The following PANK4 variants were observed in gnomAD, a reference collection of about 807,000 sequenced individuals.
The protein encoded by PANK4 is pantothenate kinase 4 (inactive).
Under a neutral mutation model 87.9 loss-of-function variants are expected in PANK4, and 40 were observed. That is an observed-to-expected ratio of 0.46 (90% CI 0.35 to 0.59). PANK4 has a LOEUF of 0.59. PANK4 is among the 20% of genes least tolerant of loss of function. The pLI is 0.00. For synonymous variants in PANK4, 524 were observed against 467.4 expected (o/e 1.12, Z -1.56); for missense variants, 926 against 1,072.3 (o/e 0.86, Z 1.90).
chr1:2,510,452 G>A lies in PANK4; in HGVS notation c.1938+226C>T, dbSNP rs879547235. 8.5e-5 allele frequency: 51 copies of A among 596,716 alleles called. No individual in the cohort carries two copies. Among genetic ancestry groups the A allele is most frequent in the African/African-American group, 1.3e-4 (7 of 53,646 alleles). The allele number at this position is 596,716 out of a possible 1,614,324, so 37.0% of individuals were successfully genotyped here. A position where few individuals can be genotyped will look rare whatever the true frequency, so the allele number is the denominator to read the frequency against. On this transcript the variant is annotated intron_variant, in intron 16 of 18. Transcript: ENST00000378466. The surrounding 1 kb of genome is among the most constrained non-coding windows in gnomAD (Gnocchi z 4.9). The stretch of plus-strand genomic sequence containing the variant: ...GTGAGCACCCTTCCAGGAGCCTGGC[G>A]TCAACCCTGGGCTTCAGCACATGGA...
In PANK4 at chr1:2,510,835, C is replaced by G; in HGVS notation, c.1834-53G>C. The G allele has an allele frequency of 9.8e-7, 1 of 1,024,704 alleles. No individual in the cohort carries two copies. Among genetic ancestry groups the G allele is most frequent in the African/African-American group, 1.6e-5 (1 of 63,710 alleles). The allele number at this position is 1,024,704 out of a possible 1,614,324, so 63.5% of individuals were successfully genotyped here. ...TGGGAACAGGCGCATCCAAGCGAGT[C>G]AGTCCGCACCCCTGCTGCCCGTCAC... On this transcript the variant is annotated intron_variant, in intron 15 of 18. Coordinates refer to ENST00000378466, the MANE Select transcript of PANK4 (RefSeq NM_018216.4). This position sits in a 1 kb window ranked among gnomAD's most constrained non-coding sequence, Gnocchi z 4.9.
chr1:2,513,604 TG>T (rs1643703744), intron 12 of PANK4, among the ~76,000 whole-genome samples: 1 of 152,082 alleles, frequency 6.6e-6, no homozygotes, highest in Non-Finnish European at 1.5e-5. Flanking sequence ...GGAGCCAGGG[TG>T]GTCCAGGGTT....
At chr1:2,523,673 C>T (rs192288659) in intron 1 of PANK4, among the ~76,000 whole-genome samples, 7 of 152,348 alleles carry the variant, frequency 4.6e-5, no homozygotes, top group East Asian at 3.9e-4. Context: ...GCCAGTGTTC[C>T]GTCTGCCTAC....
chr1:2,526,324 C>A (rs945498249), intron 1 of PANK4, 140 bp downstream of exon 1: 100 of 336,934 alleles, frequency 3.0e-4, no homozygotes, highest in Non-Finnish European at 4.1e-4. Context: ...TGCGCGGGCC[C>A]GCGGACTACA....
rs536820334 is a variant in PANK4, at chr1:2,519,579, T to C, written c.853+222A>G. Among the ~76,000 whole-genome samples, 4 of 152,302 alleles carry C rather than the reference T, an allele frequency of 2.6e-5. No individual in the cohort carries two copies. The South Asian group carries it at 8.3e-4, about 32-fold the overall frequency. On this transcript the variant is annotated intron_variant, in intron 6 of 18. Coordinates refer to ENST00000378466, the MANE Select transcript of PANK4 (RefSeq NM_018216.4). This position sits in a 1 kb window ranked among gnomAD's most constrained non-coding sequence, Gnocchi z 8.3. Reference sequence around the variant, plus strand: ...GGAAAAAACCCAATCAGGAAACTATTTTTTCTTCCAAAACCAAGACCGTGG... The same window carrying C: ...GGAAAAAACCCAATCAGGAAACTATCTTTTCTTCCAAAACCAAGACCGTGG...
In PANK4 at chr1:2,521,214, G is replaced by A. The variant is rs769414824; in HGVS notation, c.309C>T (p.Ala103=). The change falls in exon 3 of 19, where the codon GCC becomes GCT. Residue 103 remains alanine (A), a synonymous_variant. Transcript: ENST00000378466. The part of the protein sequence containing the change: ...FIKFENTYIE[A]CLDFIKDHLV... ...GATGGTCTTTGATGAAGTCCAGGCA[G>A]GCTTCGATGTAGGTATTCTCAAACT... The A allele has an allele frequency of 1.9e-6, 3 of 1,613,946 alleles. No individual in the cohort carries two copies. The highest frequency in any genetic ancestry group is 1.3e-5 in the African/African-American group (1 of 75,062).
intron 15 of PANK4, among the ~76,000 whole-genome samples, chr1:2,511,019 C>G (rs573114797): frequency 6.6e-6 from 1 of 152,104 alleles, no homozygotes; most frequent in South Asian, 2.1e-4. Context: ...ACCCCAGAGG[C>G]ACCGGGACGG....
chr1:2,516,261 C>T (rs1421385495), intron 9 of PANK4, among the ~76,000 whole-genome samples: 1 of 152,108 alleles, frequency 6.6e-6, no homozygotes, highest in African/African-American at 2.4e-5. Flanking sequence ...CCACATGCAC[C>T]CTTCTTCCTC....
chr1:2,510,409 C>A lies in PANK4; in HGVS notation c.1939-252G>T. On this transcript the variant is annotated intron_variant, in intron 16 of 18. Transcript: ENST00000378466. The surrounding 1 kb of genome is among the most constrained non-coding windows in gnomAD (Gnocchi z 4.9). ...GACCTGCCTGTCTGTGAAGTCACAG[C>A]CCCAAAGCCTCCTTGCTGTGAGCAC... The A allele has an allele frequency of 1.8e-6, 1 of 550,094 alleles. No individual in the cohort carries two copies. The highest frequency in any genetic ancestry group is 3.2e-6 in the Non-Finnish European group (1 of 316,898). The allele number at this position is 550,094 out of a possible 1,614,324, so 34.1% of individuals were successfully genotyped here. A position where few individuals can be genotyped will look rare whatever the true frequency, so the allele number is the denominator to read the frequency against.
chr1:2,514,383 G>C lies in PANK4; in HGVS notation c.1458C>G (p.Asn486Lys), dbSNP rs369711782. The change falls in exon 11 of 19, where the codon AAC becomes AAG. Residue 486 changes from asparagine to lysine, a missense_variant. By Grantham distance (94) the Asn-to-Lys change is moderately conservative. Coordinates refer to ENST00000378466, the MANE Select transcript of PANK4 (RefSeq NM_018216.4). The part of the protein sequence containing the change: ...RAEKFRQKYW[N>K]KLQTLRQQPF... ...GCTGCTGCCTCAGGGTCTGAAGCTT[G>C]TTCCAGTACTTCTGCCGGAACTTCT... 2.5e-6 allele frequency: 4 copies of C among 1,612,434 alleles called. No homozygotes were observed. In the African/African-American group the frequency reaches 4.0e-5, roughly 16 times the overall value.
Position 2,510,360 on chromosome 1 carries a change from G to A in PANK4, c.1939-203C>T. The A allele has an allele frequency of 1.7e-6, 1 of 605,956 alleles. No homozygotes were observed. Among genetic ancestry groups the A allele is most frequent in the Non-Finnish European group, 2.9e-6 (1 of 339,542 alleles). The allele number at this position is 605,956 out of a possible 1,614,324, so 37.5% of individuals were successfully genotyped here. On this transcript the variant is annotated intron_variant, in intron 16 of 18. Coordinates refer to ENST00000378466, the MANE Select transcript of PANK4 (RefSeq NM_018216.4). This position sits in a 1 kb window ranked among gnomAD's most constrained non-coding sequence, Gnocchi z 4.9. Reference sequence around the variant, plus strand: ...GGAGGGAGCTGAGCCGAGGGGCAGAGCTGAGTTTAGAGCCTGCCCCTGGGA... The same window carrying A: ...GGAGGGAGCTGAGCCGAGGGGCAGAACTGAGTTTAGAGCCTGCCCCTGGGA...
intron 1 of PANK4, among the ~76,000 whole-genome samples, chr1:2,523,603 G>C (rs1643896151): frequency 6.6e-6 from 1 of 152,156 alleles, no homozygotes; most frequent in Non-Finnish European, 1.5e-5. Flanking sequence ...GGGGTGGGTT[G>C]GTTTCTGCAA....
chr1:2,520,620 C>T lies in PANK4; in HGVS notation c.606+103G>A. The T allele has an allele frequency of 8.2e-7, 1 of 1,224,582 alleles. No homozygotes were observed. The highest frequency in any genetic ancestry group is 1.2e-6 in the Non-Finnish European group (1 of 853,644). 75.9% of individuals were successfully genotyped at this position (1,224,582 alleles called of 1,614,324 possible). A position where few individuals can be genotyped will look rare whatever the true frequency, so the allele number is the denominator to read the frequency against. ...AGCCTCGCCACCCCCCTCCCGCCCA[C>T]TGGGCCCCATCCATGTGCCCAGCCC... On this transcript the variant is annotated intron_variant, in intron 4 of 18. Coordinates refer to ENST00000378466, the MANE Select transcript of PANK4 (RefSeq NM_018216.4). The surrounding 1 kb of genome is among the most constrained non-coding windows in gnomAD (Gnocchi z 6.2).
In PANK4 at chr1:2,510,488, GAGCCCAGGGGGCTCGGAGCCTC is replaced by G. The variant is rs1462758364; in HGVS notation, c.1938+168_1938+189del. The stretch of plus-strand genomic sequence containing the variant: ...GCTTCAGCACATGGACCCTCAGCCT[GAGCCCAGGGGGCTCGGAGCCTC>G]CACCCCAGCAGATGACGGCTCTGGG... On this transcript the variant is annotated intron_variant, in intron 16 of 18. Coordinates refer to ENST00000378466, the MANE Select transcript of PANK4 (RefSeq NM_018216.4). The surrounding 1 kb of genome is among the most constrained non-coding windows in gnomAD (Gnocchi z 4.9). The G allele has an allele frequency of 3.6e-5, 22 of 608,670 alleles. No homozygotes were observed. The Admixed American group carries it at 6.4e-4, about 18-fold the overall frequency. 37.7% of individuals were successfully genotyped at this position (608,670 alleles called of 1,614,324 possible). A position where few individuals can be genotyped will look rare whatever the true frequency, so the allele number is the denominator to read the frequency against.
At chr1:2,512,058 G>T (rs746592538) in intron 13 of PANK4, among the ~76,000 whole-genome samples, 2 of 152,300 alleles carry the variant, frequency 1.3e-5, no homozygotes, top group Non-Finnish European at 2.9e-5. Context: ...TCTCAAGGTG[G>T]ACTCGGAGCC....
chr1:2,514,276 C>T, intron 11 of PANK4, 78 bp downstream of exon 11: 2 of 1,272,424 alleles, frequency 1.6e-6, no homozygotes, highest in Non-Finnish European at 2.3e-6. Flanking sequence ...CGAATGCCAA[C>T]ATCACGGCAC....
chr1:2,514,193 A>C, intron 11 of PANK4, 104 bp from the exon 12 acceptor site: 1 of 1,184,214 alleles, frequency 8.4e-7, no homozygotes, highest in South Asian at 1.2e-5. Context: ...CCGGCAGTGC[A>C]AACGCTGCTT....
At position 2,520,419 on chromosome 1, in the gene PANK4, AAC is replaced by A; in HGVS notation, c.607-7_607-6del. 1 of 1,611,620 alleles carries A rather than the reference AAC, an allele frequency of 6.2e-7. No individual in the cohort carries two copies. The highest frequency in any genetic ancestry group is 8.5e-7 in the Non-Finnish European group (1 of 1,178,964). On this transcript the variant is annotated splice_polypyrimidine_tract_variant and splice_region_variant and intron_variant, in intron 4 of 18. Coordinates refer to ENST00000378466, the MANE Select transcript of PANK4 (RefSeq NM_018216.4). This position sits in a 1 kb window ranked among gnomAD's most constrained non-coding sequence, Gnocchi z 6.2. ...GAACCTGTCCTCCGTCTCCACCTGCAACAGAGCCAGGGCAGGTGTGCCCTCAG... is the reference window on the plus strand; with the variant it reads ...GAACCTGTCCTCCGTCTCCACCTGCAAGAGCCAGGGCAGGTGTGCCCTCAG...
At position 2,508,785 on chromosome 1, in the gene PANK4, T is replaced by C. The variant is rs1340344136; in HGVS notation, c.*62A>G. The C allele has an allele frequency of 2.0e-6, 2 of 1,001,086 alleles. No individual in the cohort carries two copies. The highest frequency in any genetic ancestry group is 1.4e-5 in the South Asian group (1 of 72,096). 62.0% of individuals were successfully genotyped at this position (1,001,086 alleles called of 1,614,324 possible). A position where few individuals can be genotyped will look rare whatever the true frequency, so the allele number is the denominator to read the frequency against. On this transcript the variant is annotated 3_prime_UTR_variant, in exon 19 of 19. Transcript: ENST00000378466. The surrounding 1 kb of genome is among the most constrained non-coding windows in gnomAD (Gnocchi z 5.1). ...TACGTTGATTTGAACGCAGTTTCCCTGTGGTGGTAAAAACACATTCCTGAC... is the reference window on the plus strand; with the variant it reads ...TACGTTGATTTGAACGCAGTTTCCCCGTGGTGGTAAAAACACATTCCTGAC...
Sources: gnomAD v4.1 joint callset for allele counts (sites outside exome capture counted in the v4.1 genomes callset) on GRCh38, gnomAD v4.1.1 for gene constraint, Gnocchi (gnomAD v3.1) non-coding constraint, MANE v1.5 for transcripts, NCBI Gene and HGNC (gene_info 2026-07-23, HGNC 2026-07-21) for gene names.